Variants in ARFGEF3 observed in about 807,000 individuals in gnomAD.
ARFGEF3 encodes the protein ARFGEF family member 3.
In ARFGEF3, 96 loss-of-function variants were observed where a neutral mutation model predicts 221.7. The observed-to-expected ratio is 0.43, with a 90% confidence interval of 0.37 to 0.51. ARFGEF3 has a LOEUF of 0.51. Among genes scored for constraint, ARFGEF3 ranks in the 20% least tolerant of loss-of-function variants. The pLI, the probability that ARFGEF3 is intolerant of heterozygous loss-of-function variation, is 0.00. For missense variants in ARFGEF3, 2,410 were observed against 2,789.9 expected (o/e 0.86, Z 3.07); for synonymous variants, 1,145 against 1,126.8 (o/e 1.02, Z -0.32).
At chr6:138,311,774 T>C (rs972187686) in intron 25 of ARFGEF3, among the ~76,000 whole-genome samples, 1 of 152,130 alleles carries the variant, frequency 6.6e-6, no homozygotes, top group Non-Finnish European at 1.5e-5. Context: ...ACTACTGGAA[T>C]CTCTATATTT....
chr6:138,298,538 A>G (rs1051264339), intron 21 of ARFGEF3, 68 bp from the exon 22 acceptor site: 3 of 1,314,812 alleles, frequency 2.3e-6, no homozygotes, highest in Middle Eastern at 1.9e-4. Flanking sequence ...TGGGGTAGGA[A>G]AGCCTTCAGA....
At chr6:138,187,129 G>A (rs1468922901) in intron 2 of ARFGEF3, among the ~76,000 whole-genome samples, 3 of 151,864 alleles carry the variant, frequency 2.0e-5, no homozygotes, top group Admixed American at 2.0e-4. Context: ...TGATCAGGTT[G>A]GTCTCGAATT....
rs1024846544 is a variant in ARFGEF3, at chr6:138,336,543, A to G, written c.*57A>G. ...CAGTAGTGAGGGTTAGAGTCCTGCC[A>G]ATACAGCTGTTGCATTTTCCCCACC... On this transcript the variant is annotated 3_prime_UTR_variant, in exon 34 of 34. Transcript: ENST00000251691. 96 of 1,410,096 alleles carry G rather than the reference A, an allele frequency of 6.8e-5. No homozygotes were observed. In the African/African-American group the frequency reaches 1.2e-3, roughly 18 times the overall value. 87.3% of individuals were successfully genotyped at this position (1,410,096 alleles called of 1,614,324 possible). A position where few individuals can be genotyped will look rare whatever the true frequency, so the allele number is the denominator to read the frequency against.
chr6:138,320,837 A>G (rs967133538), intron 28 of ARFGEF3, among the ~76,000 whole-genome samples: 8 of 152,202 alleles, frequency 5.3e-5, no homozygotes, highest in Non-Finnish European at 1.0e-4. Context: ...GTGATACTGC[A>G]ACACATAAAA....
At chr6:138,188,829 G>A (rs557428119) in intron 2 of ARFGEF3, among the ~76,000 whole-genome samples, 10 of 152,210 alleles carry the variant, frequency 6.6e-5, no homozygotes, top group Admixed American at 1.3e-4. Context: ...TATAGGGTCT[G>A]TGATATGTTT....
Position 138,262,824 on chromosome 6 carries a change from CGA to C in ARFGEF3, c.1342_1343del (p.Glu448ArgfsTer11). 6.2e-7 allele frequency: 1 copy of C among 1,614,000 alleles called. No homozygotes were observed. Among genetic ancestry groups the C allele is most frequent in the Non-Finnish European group, 8.5e-7 (1 of 1,179,894 alleles). On this transcript the variant is annotated frameshift_variant, in exon 12 of 34. Transcript: ENST00000251691. LOFTEE classifies it high-confidence loss of function. ...AGCTCAGCCAGGGGAAGGGCTTGAG[CGA>C]AGGTCAGGTGCAACTGCTGCTTCTG... Reference protein sequence around the residue: ...DELSQGKGLSEGQVQLLLLRL... With the variant: ...DELSQGKGLSXGQVQLLLLRL...
At chr6:138,221,015 C>A (rs1344674546) in intron 4 of ARFGEF3, among the ~76,000 whole-genome samples, 1 of 152,188 alleles carries the variant, frequency 6.6e-6, no homozygotes, top group East Asian at 1.9e-4. Flanking sequence ...CTGTCCTGTT[C>A]TTTTGCTGAT....
At chr6:138,266,573 G>C (rs1190705572) in intron 12 of ARFGEF3, among the ~76,000 whole-genome samples, 1 of 152,108 alleles carries the variant, frequency 6.6e-6, no homozygotes, top group African/African-American at 2.4e-5. Flanking sequence ...AGTTCGGCTG[G>C]GTGCGGTGGC....
At chr6:138,253,360 G>C (rs1185573923) in intron 8 of ARFGEF3, among the ~76,000 whole-genome samples, 1 of 151,890 alleles carries the variant, frequency 6.6e-6, no homozygotes, top group African/African-American at 2.4e-5. Context: ...TGAGGCTGCT[G>C]TAACAAAGTG....
intron 29 of ARFGEF3, among the ~76,000 whole-genome samples, chr6:138,321,602 G>A (rs1780028259): frequency 6.6e-6 from 1 of 152,176 alleles, no homozygotes; most frequent in African/African-American, 2.4e-5. Flanking sequence ...GAGAGGATGT[G>A]GAGAAAAGGG....
rs200733624 is a variant in ARFGEF3, at chr6:138,319,748, T to G, written c.4520T>G (p.Val1507Gly). 35 of 1,613,592 alleles carry G rather than the reference T, an allele frequency of 2.2e-5. No homozygotes were observed. Among genetic ancestry groups the G allele is most frequent in the Non-Finnish European group, 2.9e-5 (34 of 1,179,758 alleles). Residue 1507 changes from valine to glycine, a missense_variant, in exon 28 of 34, where the codon GTG becomes GGG. By Grantham distance (109) the Val-to-Gly change is moderately radical. This residue lies in a region of ARFGEF3 where 723 missense variants were observed against 991.9 expected (regional missense o/e 0.73). Coordinates refer to ENST00000251691, the MANE Select transcript of ARFGEF3 (RefSeq NM_020340.5). ...IYAVVHLLLP[V>G]MSVWLRRSHK... ...GCAGTGGTTCACCTCCTCCTTCCTG[T>G]GATGTCCGTTTGGCTCCGCCGGAGC...
In ARFGEF3 at chr6:138,255,555, G is replaced by A. The variant is rs772216672; in HGVS notation, c.890G>A (p.Gly297Glu). The A allele has an allele frequency of 6.2e-7, 1 of 1,614,020 alleles. No homozygotes were observed. Residue 297 changes from glycine to glutamate, a missense_variant, in exon 10 of 34, where the codon GGA (glycine) becomes GAA (glutamate). Gly to Glu is a moderately conservative substitution (Grantham distance 98, BLOSUM62 -2). Around this residue, in one of 5 missense-constraint regions of ARFGEF3, gnomAD observed 570 missense variants for 586.9 expected, o/e 0.97. Coordinates refer to ENST00000251691, the MANE Select transcript of ARFGEF3 (RefSeq NM_020340.5). The part of the protein sequence containing the change: ...TSLESDSASP[G>E]VSDHGRGSGC... ...CTGGAGTCGGACTCTGCGTCTCCGGGAGTGTCTGACCACGGCCGAGGATCA... is the reference window on the plus strand; with the variant it reads ...CTGGAGTCGGACTCTGCGTCTCCGGAAGTGTCTGACCACGGCCGAGGATCA...
At chr6:138,184,330 A>C (rs1426859416) in intron 2 of ARFGEF3, among the ~76,000 whole-genome samples, 1 of 152,160 alleles carries the variant, frequency 6.6e-6, no homozygotes, top group Admixed American at 6.5e-5. Flanking sequence ...AAGATTACAT[A>C]AGATGTAATC....
chr6:138,218,358 A>G, intron 4 of ARFGEF3: 1 of 1,547,476 alleles, frequency 6.5e-7, no homozygotes, highest in East Asian at 2.4e-5. Flanking sequence ...AATATTGTGC[A>G]TATCCTCATA....
intron 4 of ARFGEF3, among the ~76,000 whole-genome samples, chr6:138,226,260 A>G (rs991403995): frequency 1.3e-5 from 2 of 152,224 alleles, no homozygotes; most frequent in African/African-American, 4.8e-5. Flanking sequence ...TAACGTGACC[A>G]CATTTTCTGG....
chr6:138,277,320 A>T (rs1179451245), intron 12 of ARFGEF3, among the ~76,000 whole-genome samples: 1 of 152,202 alleles, frequency 6.6e-6, no homozygotes, highest in African/African-American at 2.4e-5. Flanking sequence ...TTCATGGCTG[A>T]GTAATACCCA....
At chr6:138,204,413 CTTTGTCTATAT>C in intron 2 of ARFGEF3, among the ~76,000 whole-genome samples, 2 of 150,316 alleles carry the variant, frequency 1.3e-5, no homozygotes, top group South Asian at 4.2e-4. Context: ...GCATTGGGCA[CTTTGTCTATAT>C]CAATGCTGGA....
At chr6:138,235,857 C>G (rs1384113166) in intron 5 of ARFGEF3, among the ~76,000 whole-genome samples, 2 of 152,132 alleles carry the variant, frequency 1.3e-5, no homozygotes, top group Admixed American at 6.5e-5. Context: ...TTTACACTCC[C>G]AACTTCAGCC....
In ARFGEF3 at chr6:138,311,467, A is replaced by T; in HGVS notation, c.4157A>T (p.Asp1386Val). The T allele has an allele frequency of 6.2e-7, 1 of 1,607,734 alleles. No homozygotes were observed. The highest frequency in any genetic ancestry group is 1.1e-5 in the South Asian group (1 of 89,046). Residue 1386 changes from aspartate (D) to valine (V), a missense_variant, in exon 25 of 34, where the codon GAC (aspartate) becomes GTC (valine). Asp to Val is a radical substitution (Grantham distance 152, BLOSUM62 -3). This residue lies in a region of ARFGEF3 where 723 missense variants were observed against 991.9 expected (regional missense o/e 0.73). Transcript: ENST00000251691. Reference sequence around the variant, plus strand: ...CCAGCACCCGGAGCCCCGTCCACAGACCTGTGCCTCCCGGCCCTGGATTAC... The same window carrying T: ...CCAGCACCCGGAGCCCCGTCCACAGTCCTGTGCCTCCCGGCCCTGGATTAC... ...CAPAPGAPST[D>V]LCLPALDYLR...
Sources: gnomAD v4.1 joint callset for allele counts (sites outside exome capture counted in the v4.1 genomes callset) on GRCh38, gnomAD v4.1.1 for gene constraint, gnomAD v4.1.1 regional missense constraint, MANE v1.5 for transcripts, NCBI Gene and HGNC (gene_info 2026-07-23, HGNC 2026-07-21) for gene names.